The following ATP13A4 variants were observed in gnomAD, a reference collection of about 807,000 sequenced individuals.
The protein encoded by ATP13A4 is probable cation-transporting ATPase 13A4.
A neutral mutation model predicts 142.5 loss-of-function variants in ATP13A4; 114 were observed. The observed-to-expected ratio is 0.80, with a 90% CI of 0.69 to 0.93. ATP13A4 has a LOEUF of 0.93. ATP13A4 is among the 40% of genes least tolerant of loss of function. The probability of loss-of-function intolerance (pLI) is 0.00; values close to 1 mark genes in which losing one functional copy is unlikely to be tolerated. For synonymous variants in ATP13A4, 488 were observed against 514.8 expected, an observed-to-expected ratio of 0.95 and a Z score of 0.70; for missense variants, 1,392 against 1,454.0, an observed-to-expected ratio of 0.96 and a Z score of 0.69.
chr3:193,546,389 A>C (rs1480141231), intron 1 of ATP13A4, among the ~76,000 whole-genome samples: 1 of 152,154 alleles, frequency 6.6e-6, no homozygotes, highest in Non-Finnish European at 1.5e-5. Flanking sequence ...GTCAGTCAGG[A>C]TATGGATTTG....
At chr3:193,480,398 C>T (rs1437540011) in intron 8 of ATP13A4, among the ~76,000 whole-genome samples, 2 of 151,996 alleles carry the variant, frequency 1.3e-5, no homozygotes, top group African/African-American at 4.8e-5. Flanking sequence ...GACTAATACC[C>T]AGAATCTACG....
At chr3:193,562,459 T>C (rs1360420330) in intron 2 of ATP13A4, among the ~76,000 whole-genome samples, 3 of 152,198 alleles carry the variant, frequency 2.0e-5, no homozygotes, top group Admixed American at 6.5e-5. Flanking sequence ...CGATGTAATA[T>C]ATAGGTGGAT....
chr3:193,418,077 C>G lies in ATP13A4; in HGVS notation c.2843-3327G>C, dbSNP rs1253671841. Among the ~76,000 whole-genome samples, 514 of 103,910 alleles carry G rather than the reference C, an allele frequency of 4.9e-3. 18 individuals carry two copies. Among genetic ancestry groups the G allele is most frequent in the African/African-American group, 0.015 (392 of 26,154 alleles). The allele number at this position is 103,910 out of a possible 152,430, so 68.2% of individuals were successfully genotyped here. A position where few individuals can be genotyped will look rare whatever the true frequency, so the allele number is the denominator to read the frequency against. Reference sequence around the variant, plus strand: ...GCAGAGCTTGCAGTGAGCCGAGATCCCGCCACTGCACTCCAGCCTGGGCGA... The same window carrying G: ...GCAGAGCTTGCAGTGAGCCGAGATCGCGCCACTGCACTCCAGCCTGGGCGA... On this transcript the variant is annotated intron_variant, in intron 25 of 29. Transcript: ENST00000342695.
intron 29 of ATP13A4, 137 bp downstream of exon 29, chr3:193,407,176 A>T (rs1465003471): frequency 5.5e-6 from 4 of 729,388 alleles, no homozygotes; most frequent in African/African-American, 5.2e-5. Flanking sequence ...ACCATTGCTT[A>T]TACTGTGAAG....
intron 2 of ATP13A4, among the ~76,000 whole-genome samples, chr3:193,509,392 C>T (rs1721024846): frequency 6.6e-6 from 1 of 152,200 alleles, no homozygotes; most frequent in Non-Finnish European, 1.5e-5. Flanking sequence ...CACACTTACA[C>T]ACTTGCCCAT....
chr3:193,529,609 A>C (rs1321999893), intron 1 of ATP13A4, among the ~76,000 whole-genome samples: 1 of 115,486 alleles, frequency 8.7e-6, no homozygotes, highest in Non-Finnish European at 1.9e-5. Flanking sequence ...GACACCTCTC[A>C]CCAATTTCAC....
rs551685674 is a variant in ATP13A4, at chr3:193,402,271, A to G, written c.*381T>C. 1 of 170,948 alleles carries G rather than the reference A, an allele frequency of 5.8e-6. No individual in the cohort carries two copies. Among genetic ancestry groups the G allele is most frequent in the Admixed American group, 5.7e-5 (1 of 17,612 alleles). The allele number at this position is 170,948 out of a possible 1,614,324, so 10.6% of individuals were successfully genotyped here. ...GATGAAGTAAAAATTCAAAAATTAC[A>G]ACTCCGTGAGTATACACAGTACTAC... is the stretch of plus-strand genomic sequence containing the variant. On this transcript the variant is annotated 3_prime_UTR_variant, in exon 30 of 30. Transcript: ENST00000342695.
rs539427703 is a variant in ATP13A4, at chr3:193,554,422, G to T, written c.60+318C>A. The T allele has an allele frequency of 1.8e-4, 79 of 431,048 alleles. 1 individual carries two copies. The highest frequency in any genetic ancestry group is 8.2e-4 in the South Asian group (39 of 47,544). The allele number at this position is 431,048 out of a possible 1,614,324, so 26.7% of individuals were successfully genotyped here. ...TTGTTAGGTGTTTTGAACAGAACTG[G>T]CTATACCAATGAGGCTCAAACAAGA... is the stretch of plus-strand genomic sequence containing the variant. On this transcript the variant is annotated intron_variant, in intron 1 of 29. Transcript: ENST00000342695.
intron 9 of ATP13A4, among the ~76,000 whole-genome samples, chr3:193,470,539 T>C (rs1718556762): frequency 6.6e-6 from 1 of 152,220 alleles, no homozygotes; most frequent in African/African-American, 2.4e-5. Context: ...CACAGACAAT[T>C]CTGAAAGATC....
chr3:193,476,422 A>G (rs1718970187), intron 8 of ATP13A4, among the ~76,000 whole-genome samples: 2 of 152,126 alleles, frequency 1.3e-5, no homozygotes, highest in Non-Finnish European at 2.9e-5. Context: ...GCCTTACAGA[A>G]ATATGACTGG....
intron 16 of ATP13A4, 41 bp from the exon 17 acceptor site, chr3:193,454,253 C>A: frequency 6.9e-7 from 1 of 1,456,020 alleles, no homozygotes; most frequent in Non-Finnish European, 9.6e-7. Flanking sequence ...CAGTTATTTG[C>A]TTAGGCAGTA....
At chr3:193,466,884 A>G (rs180975338) in intron 10 of ATP13A4, among the ~76,000 whole-genome samples, 7 of 152,308 alleles carry the variant, frequency 4.6e-5, no homozygotes, top group Non-Finnish European at 8.8e-5. Flanking sequence ...ATGGATTTAT[A>G]TATATATGAT....
chr3:193,481,556 T>A lies in ATP13A4; in HGVS notation c.808+2380A>T, dbSNP rs537217751. ...GTGTTTTTCAGGATGTATTACAAAT[T>A]ATTATTTTTTAAAACAGAGCTACAT... On this transcript the variant is annotated intron_variant, in intron 8 of 29. Transcript: ENST00000342695. Among the ~76,000 whole-genome samples the A allele has an allele frequency of 9.2e-5, 14 of 152,282 alleles. No homozygotes were observed. The South Asian group carries it at 2.9e-3, about 32-fold the overall frequency.
At position 193,454,196 on chromosome 3, in the gene ATP13A4, A is replaced by G; in HGVS notation, c.1932T>C (p.Val644=). 1.2e-6 allele frequency: 2 copies of G among 1,613,096 alleles called. No individual in the cohort carries two copies. Among genetic ancestry groups the G allele is most frequent in the Non-Finnish European group, 1.7e-6 (2 of 1,179,024 alleles). Residue 644 remains valine (V), a synonymous_variant, in exon 17 of 30, where the codon GTT becomes GTC. Coordinates refer to ENST00000342695, the MANE Select transcript of ATP13A4 (RefSeq NM_032279.4). The part of the protein sequence containing the change: ...CQPETVPTSF[V]SELQIYTTQG... ...GTGTCGTGTAAATCTGAAGTTCGCT[A>G]ACAAAACTAGTGGGTACTGTTTAGA...
Position 193,432,266 on chromosome 3 carries a change from C to CTGGTGTTATG in ATP13A4, c.2842+1578_2842+1579insCATAACACCA, listed in dbSNP as rs1243415671. Among the ~76,000 whole-genome samples the CTGGTGTTATG allele has an allele frequency of 3.5e-3, 525 of 152,132 alleles. 4 individuals carry two copies. The highest frequency in any genetic ancestry group is 0.012 in the African/African-American group (504 of 41,522). ...TCCAGAACACTAACAATACTAAATGCTGGTGAGTATGTGAAGCAACAAGGA... is the reference window on the plus strand; with the variant it reads ...TCCAGAACACTAACAATACTAAATGCTGGTGTTATGTGGTGAGTATGTGAAGCAACAAGGA... On this transcript the variant is annotated intron_variant, in intron 25 of 29. Transcript: ENST00000342695.
intron 2 of ATP13A4, among the ~76,000 whole-genome samples, chr3:193,505,761 T>C (rs1720830058): frequency 1.3e-5 from 2 of 151,926 alleles, no homozygotes; most frequent in African/African-American, 2.4e-5. Flanking sequence ...AGCAAAGAAA[T>C]GGAAGGAAAG....
rs115214055 is a variant in ATP13A4 at position 193,406,827 on chromosome 3, T to G, written c.3378+486A>C. The stretch of plus-strand genomic sequence containing the variant: ...TCCACACAGTCAGAAAGTAGAATAG[T>G]GATTACCAAGGCCCAGGAGAAGGCA... On this transcript the variant is annotated intron_variant, in intron 29 of 29. Coordinates refer to ENST00000342695, the MANE Select transcript of ATP13A4 (RefSeq NM_032279.4). 5.5e-3 allele frequency among the ~76,000 whole-genome samples: 843 copies of G among 152,164 alleles called. 12 individuals are homozygous for G. The highest frequency in any genetic ancestry group is 0.019 in the African/African-American group (793 of 41,510).
At position 193,547,771 on chromosome 3, in the gene ATP13A4, C is replaced by T. The variant is rs115753375; in HGVS notation, c.60+6969G>A. 8.8e-3 allele frequency among the ~76,000 whole-genome samples: 1,333 copies of T among 152,040 alleles called. 24 individuals carry two copies. The highest frequency in any genetic ancestry group is 0.03 in the African/African-American group (1,258 of 41,472). On this transcript the variant is annotated intron_variant, in intron 1 of 29. Coordinates refer to ENST00000342695, the MANE Select transcript of ATP13A4 (RefSeq NM_032279.4). The stretch of plus-strand genomic sequence containing the variant: ...AGGGCCCACACTCAGAAGGGCCCTA[C>T]GCTCAGAAGGTCCCTACACTTGGCT...
At chr3:193,467,570 G>A (rs1718376262) in intron 9 of ATP13A4, 84 bp from the exon 10 acceptor site, 1 of 1,429,732 alleles carries the variant, frequency 7.0e-7, no homozygotes, top group Non-Finnish European at 9.8e-7. Context: ...TCATACAACA[G>A]ACATTTTTTT....
Sources: allele counts gnomAD v4.1 joint callset (sites outside exome capture counted in the v4.1 genomes callset), GRCh38; gene constraint gnomAD v4.1.1; transcripts MANE v1.5; gene names NCBI Gene and HGNC (gene_info 2026-07-23, HGNC 2026-07-21).